GABPB2: variants seen among roughly 807,000 people sequenced by gnomAD.
GABPB2 encodes the protein GA-binding protein subunit beta-2.
Under a neutral mutation model 39.1 loss-of-function variants are expected in GABPB2, and 23 were observed. The observed-to-expected ratio is 0.59, with a 90% CI of 0.42 to 0.83. The LOEUF is 0.83. Among genes scored for constraint, GABPB2 ranks in the 40% least tolerant of loss-of-function variants. The probability of loss-of-function intolerance (pLI) is 0.00; values close to 1 mark genes in which losing one functional copy is unlikely to be tolerated. For synonymous variants in GABPB2, 184 were observed against 199.3 expected, an observed-to-expected ratio of 0.92 and a Z score of 0.65; for missense variants, 467 against 541.1, an observed-to-expected ratio of 0.86 and a Z score of 1.36.
At chr1:151,101,775 T>C (rs1004754992) in intron 5 of GABPB2, among the ~76,000 whole-genome samples, 1 of 152,138 alleles carries the variant, frequency 6.6e-6, no homozygotes, top group Non-Finnish European at 1.5e-5. Context: ...GTAACTGGCA[T>C]AATAGGTATC....
At chr1:151,106,716 C>G (rs2101546852) in intron 6 of GABPB2, among the ~76,000 whole-genome samples, 1 of 152,308 alleles carries the variant, frequency 6.6e-6, no homozygotes, top group South Asian at 2.1e-4. Flanking sequence ...ATTGAAGTCT[C>G]TGATACTCCT....
At chr1:151,101,549 G>C (rs1281559844) in intron 5 of GABPB2, among the ~76,000 whole-genome samples, 1 of 151,796 alleles carries the variant, frequency 6.6e-6, no homozygotes, top group African/African-American at 2.4e-5. Flanking sequence ...ACTCCAGTCT[G>C]GGCAACAAGA....
At chr1:151,071,139 A>G (rs1465937243) in intron 1 of GABPB2, among the ~76,000 whole-genome samples, 1 of 148,350 alleles carries the variant, frequency 6.7e-6, no homozygotes, top group Non-Finnish European at 1.5e-5. Flanking sequence ...GGGGACTGGA[A>G]GGAGGTGAAG....
intron 1 of GABPB2, among the ~76,000 whole-genome samples, chr1:151,074,890 C>T (rs1367295969): frequency 1.3e-5 from 2 of 152,158 alleles, no homozygotes; most frequent in Non-Finnish European, 2.9e-5. Flanking sequence ...CAGTGGCTCA[C>T]ACCACTTTGG....
chr1:151,080,679 C>T (rs1266422959), intron 1 of GABPB2, among the ~76,000 whole-genome samples: 2 of 150,378 alleles, frequency 1.3e-5, no homozygotes, highest in Non-Finnish European at 3.0e-5. Flanking sequence ...GAAACCCCAT[C>T]TCTACTAAAA....
intron 4 of GABPB2, among the ~76,000 whole-genome samples, chr1:151,096,075 T>C (rs1286289414): frequency 6.8e-6 from 1 of 146,422 alleles, no homozygotes; most frequent in Non-Finnish European, 1.5e-5. Flanking sequence ...ATCCAAAGAA[T>C]GGATAACCTG....
intron 7 of GABPB2, among the ~76,000 whole-genome samples, chr1:151,109,943 A>G (rs1400488057): frequency 1.4e-5 from 2 of 139,382 alleles, no homozygotes; most frequent in Non-Finnish European, 3.0e-5. Flanking sequence ...GGTTCAAGTG[A>G]TTCTCCTGCC....
chr1:151,104,818 T>TC (rs1558151578), intron 6 of GABPB2, among the ~76,000 whole-genome samples: 19 of 150,324 alleles, frequency 1.3e-4, no homozygotes, highest in Admixed American at 2.0e-4. Context: ...TTCTTTCCTT[T>TC]CTTTCTTTCT....
At chr1:151,075,337 GGCAGATCACGAGGTCAGGAGAT>G (rs1347094621) in intron 1 of GABPB2, among the ~76,000 whole-genome samples, 2 of 151,912 alleles carry the variant, frequency 1.3e-5, no homozygotes, top group Non-Finnish European at 2.9e-5. Context: ...GGCCCAGGAG[GGCAGATCACGAGGTCAGGAGAT>G]CGAGACCATC....
At chr1:151,111,707 C>T (rs150387831) in intron 7 of GABPB2, among the ~76,000 whole-genome samples, 4,722 of 149,914 alleles carry the variant, frequency 0.031, 251 homozygotes, top group African/African-American at 0.11. Flanking sequence ...CCACCGCGCC[C>T]GGCCTAATTT....
At chr1:151,093,153 T>C (rs1292084601) in intron 3 of GABPB2, 39 bp from the exon 4 acceptor site, 1 of 1,504,664 alleles carries the variant, frequency 6.6e-7, no homozygotes, top group South Asian at 1.3e-5. Context: ...TGTGCTACTA[T>C]AACCGCTGTT....
intron 3 of GABPB2, among the ~76,000 whole-genome samples, chr1:151,091,467 A>C (rs1225183247): frequency 0.048 from 151 of 3,164 alleles, 22 homozygotes; most frequent in Non-Finnish European, 0.064. Context: ...CTGTGTCTCA[A>C]AAAAAAAAAA....
chr1:151,101,377 C>G (rs751085065), intron 5 of GABPB2, among the ~76,000 whole-genome samples: 2 of 152,030 alleles, frequency 1.3e-5, no homozygotes, highest in Non-Finnish European at 2.9e-5. Flanking sequence ...GAGTTCGAGA[C>G]CAGCCTGGCT....
intron 1 of GABPB2, among the ~76,000 whole-genome samples, chr1:151,079,764 C>T (rs757597029): frequency 6.7e-4 from 102 of 151,630 alleles, no homozygotes; most frequent in Non-Finnish European, 1.1e-3. Flanking sequence ...GGCATGGTGA[C>T]ACATGCCTGT....
intron 1 of GABPB2, 134 bp downstream of exon 1, chr1:151,071,068 A>C (rs1676663828): frequency 6.6e-6 from 1 of 152,252 alleles, no homozygotes; most frequent in South Asian, 2.1e-4. Flanking sequence ...CCCGTCACTG[A>C]AGCGGGGGCA....
At position 151,100,683 on chromosome 1, in the gene GABPB2, G is replaced by A. The variant is rs929226499; in HGVS notation, c.622+2681G>A. On this transcript the variant is annotated intron_variant, in intron 5 of 8. Coordinates refer to ENST00000368918, the MANE Select transcript of GABPB2 (RefSeq NM_144618.3). ...GGCTCACCGCAAACTCTGCCTCCCAGGTTCAAGCGATTCTTGTGCCTCAAC... is the reference window on the plus strand; with the variant it reads ...GGCTCACCGCAAACTCTGCCTCCCAAGTTCAAGCGATTCTTGTGCCTCAAC... 3.1e-5 allele frequency among the ~76,000 whole-genome samples: 4 copies of A among 130,310 alleles called. No homozygotes were observed. In the East Asian group the frequency reaches 8.0e-4, roughly 26 times the overall value. The allele number at this position is 130,310 out of a possible 152,430, so 85.5% of individuals were successfully genotyped here.
At position 151,123,115 on chromosome 1, in the gene GABPB2, G is replaced by A. The variant is rs1558168452; in HGVS notation, c.*4859G>A. ...TATTGCTTAGATCTTCTGGGTTAGA[G>A]GATTCCAACTGTTTATTGGCAAGGT... is the stretch of plus-strand genomic sequence containing the variant. On this transcript the variant is annotated 3_prime_UTR_variant, in exon 9 of 9. Transcript: ENST00000368918. 1 of 152,200 alleles carries A rather than the reference G, an allele frequency of 6.6e-6. No homozygotes were observed. Among genetic ancestry groups the A allele is most frequent in the Non-Finnish European group, 1.5e-5 (1 of 68,032 alleles). 9.4% of individuals were successfully genotyped at this position (152,200 alleles called of 1,614,324 possible).
chr1:151,096,424 TAAAAA>T lies in GABPB2; in HGVS notation c.472-1427_472-1423del, dbSNP rs587675476. On this transcript the variant is annotated intron_variant, in intron 4 of 8. Transcript: ENST00000368918. ...AGTGGGACTCCGTCTCAAAAAAAAA[TAAAAA>T]GAGAGAGAGAGAGACAGAGAAAGCA... 3.3e-3 allele frequency among the ~76,000 whole-genome samples: 500 copies of T among 151,402 alleles called. 2 individuals carry two copies. Among genetic ancestry groups the T allele is most frequent in the South Asian group, 8.4e-3 (40 of 4,788 alleles).
chr1:151,071,984 G>A (rs1034699106), intron 1 of GABPB2, among the ~76,000 whole-genome samples: 2 of 152,206 alleles, frequency 1.3e-5, no homozygotes, highest in Admixed American at 6.5e-5. Flanking sequence ...CAACGTCTTT[G>A]GAAAAGGACA....
Sources: allele counts gnomAD v4.1 joint callset (sites outside exome capture counted in the v4.1 genomes callset), GRCh38; gene constraint gnomAD v4.1.1; transcripts MANE v1.5; gene names NCBI Gene and HGNC (gene_info 2026-07-23, HGNC 2026-07-21).